Variants in TG observed in about 807,000 individuals in gnomAD.
The protein encoded by TG is thyroglobulin.
In TG, 270 loss-of-function variants were observed where a neutral mutation model predicts 324.7. The ratio of observed to expected loss-of-function variants is 0.83; its 90% CI spans 0.75 to 0.92. The LOEUF (loss-of-function observed/expected upper bound fraction) is 0.92. Among genes scored for constraint, TG ranks in the 40% least tolerant of loss-of-function variants. The probability of loss-of-function intolerance (pLI) is 0.00; values close to 1 mark genes in which losing one functional copy is unlikely to be tolerated. For missense variants in TG, 3,591 were observed against 3,456.4 expected, an observed-to-expected ratio of 1.04 and a Z score of -0.98; for synonymous variants, 1,401 against 1,327.0, an observed-to-expected ratio of 1.06 and a Z score of -1.21.
Position 132,870,195 on chromosome 8 carries a change from T to C in TG, c.274+369T>C, listed in dbSNP as rs533969310. Among the ~76,000 whole-genome samples the C allele has an allele frequency of 1.1e-3, 171 of 152,096 alleles. 1 individual carries two copies. The highest frequency in any genetic ancestry group is 4.0e-3 in the African/African-American group (167 of 41,452). ...TAAGACTTGGGTCAAAGCTATCCAG[T>C]TAAGATAATTATTATAGTGAGTAAT... On this transcript the variant is annotated intron_variant, in intron 3 of 47. Coordinates refer to ENST00000220616, the MANE Select transcript of TG (RefSeq NM_003235.5).
intron 38 of TG, among the ~76,000 whole-genome samples, chr8:133,018,611 C>A (rs1010982643): frequency 6.6e-6 from 1 of 151,894 alleles, no homozygotes; most frequent in Non-Finnish European, 1.5e-5. Flanking sequence ...CATGTGTATA[C>A]CACTTTAAAT....
chr8:132,917,002 C>G (rs978946362), intron 20 of TG, among the ~76,000 whole-genome samples: 1 of 125,054 alleles, frequency 8.0e-6, no homozygotes, highest in African/African-American at 2.7e-5. Flanking sequence ...TCCCTCCAAC[C>G]CTCCCTCCCT....
In TG at chr8:133,129,712, G is replaced by A. The variant is rs146338177; in HGVS notation, c.7863-2100G>A. Among the ~76,000 whole-genome samples, 607 of 152,158 alleles carry A rather than the reference G, an allele frequency of 4.0e-3. 4 individuals carry two copies. Among genetic ancestry groups the A allele is most frequent in the African/African-American group, 0.014 (577 of 41,524 alleles). ...GGATTTTGTCATGTTGCCCAGGCTG[G>A]TTTTGAACTCCTGAGCTCAAGCAAT... On this transcript the variant is annotated intron_variant, in intron 45 of 47. Transcript: ENST00000220616.
In TG at chr8:132,999,067, G is replaced by A. The variant is rs528323230; in HGVS notation, c.6263-12834G>A. On this transcript the variant is annotated intron_variant, in intron 35 of 47. Transcript: ENST00000220616. Reference sequence around the variant, plus strand: ...AACCAGGACTGCAGCCCAGAGTGAAGGAGGGGACATTACAGTCATGGTAAG... The same window carrying A: ...AACCAGGACTGCAGCCCAGAGTGAAAGAGGGGACATTACAGTCATGGTAAG... Among the ~76,000 whole-genome samples, 6 of 152,322 alleles carry A rather than the reference G, an allele frequency of 3.9e-5. No individual in the cohort carries two copies. The South Asian group carries it at 8.3e-4, about 21-fold the overall frequency.
intron 22 of TG, among the ~76,000 whole-genome samples, chr8:132,925,698 C>A (rs1031716678): frequency 6.6e-6 from 1 of 152,294 alleles, no homozygotes; most frequent in South Asian, 2.1e-4. Context: ...GAGACTGTGT[C>A]TTTACAGAAT....
intron 35 of TG, among the ~76,000 whole-genome samples, chr8:132,995,975 A>G (rs1832840933): frequency 6.6e-6 from 1 of 152,196 alleles, no homozygotes; most frequent in South Asian, 2.1e-4. Flanking sequence ...TCTGCCTGCA[A>G]TGAGAAGCCA....
intron 27 of TG, among the ~76,000 whole-genome samples, chr8:132,950,090 T>A (rs1475906887): frequency 1.3e-5 from 2 of 152,220 alleles, no homozygotes; most frequent in African/African-American, 4.8e-5. Context: ...ATAATGCTTA[T>A]GTAGCACTGA....
At chr8:133,024,562 C>T (rs1157470155) in intron 40 of TG, among the ~76,000 whole-genome samples, 1 of 151,598 alleles carries the variant, frequency 6.6e-6, no homozygotes, top group Non-Finnish European at 1.5e-5. Flanking sequence ...CTCCCCTTGC[C>T]CCCCGCCCCC....
intron 35 of TG, among the ~76,000 whole-genome samples, chr8:132,985,946 G>A (rs34401566): frequency 1.3e-5 from 2 of 152,094 alleles, no homozygotes; most frequent in African/African-American, 4.8e-5. Context: ...TCATTTTGCA[G>A]GGGGTTGTGG....
At chr8:132,879,451 T>C (rs1814328667) in intron 5 of TG, among the ~76,000 whole-genome samples, 2 of 152,254 alleles carry the variant, frequency 1.3e-5, no homozygotes, top group Non-Finnish European at 1.5e-5. Context: ...TTTAAAGAGT[T>C]GTGAGAATTA....
chr8:132,924,911 T>G (rs532962221), intron 22 of TG, among the ~76,000 whole-genome samples: 1 of 152,338 alleles, frequency 6.6e-6, no homozygotes, highest in South Asian at 2.1e-4. Context: ...GGAGGGAGGC[T>G]GAAACAGTCT....
At chr8:133,115,712 T>C (rs1258202835) in intron 44 of TG, among the ~76,000 whole-genome samples, 1 of 152,194 alleles carries the variant, frequency 6.6e-6, no homozygotes. Context: ...TACTCTGCAA[T>C]GCAGATGGGA....
chr8:132,959,568 A>G (rs973869043), intron 27 of TG, among the ~76,000 whole-genome samples: 6 of 152,230 alleles, frequency 3.9e-5, no homozygotes, highest in Non-Finnish European at 8.8e-5. Context: ...AGTACGCCCT[A>G]TGATCACACA....
At chr8:133,003,465 G>A (rs1053610671) in intron 35 of TG, among the ~76,000 whole-genome samples, 16 of 148,292 alleles carry the variant, frequency 1.1e-4, no homozygotes, top group African/African-American at 2.3e-4. Flanking sequence ...TAGTAGTTTC[G>A]AAATGTGCCA....
chr8:133,118,421 T>C (rs1278100463), intron 45 of TG, among the ~76,000 whole-genome samples: 1 of 150,926 alleles, frequency 6.6e-6, no homozygotes, highest in Non-Finnish European at 1.5e-5. Context: ...ACCTCCCGGA[T>C]TCAAGCAATT....
At chr8:132,933,818 A>G in intron 24 of TG, 142 bp downstream of exon 24, 1 of 787,610 alleles carries the variant, frequency 1.3e-6, no homozygotes, top group South Asian at 1.4e-5. Flanking sequence ...TCTTCAAAGC[A>G]ATGGGACTTT....
intron 43 of TG, among the ~76,000 whole-genome samples, chr8:133,108,755 C>T (rs570915568): frequency 6.6e-6 from 1 of 152,342 alleles, no homozygotes; most frequent in African/African-American, 2.4e-5. Flanking sequence ...TATGACATGC[C>T]TGTCACCATA....
intron 30 of TG, 40 bp from the exon 31 acceptor site, chr8:132,967,754 C>T (rs890302410): frequency 2.5e-6 from 4 of 1,610,370 alleles, no homozygotes; most frequent in Middle Eastern, 3.3e-4. Flanking sequence ...CCCCTGTAGA[C>T]CCCACAAAAA....
At chr8:132,906,993 C>A in intron 17 of TG, 93 bp downstream of exon 17, 1 of 1,332,592 alleles carries the variant, frequency 7.5e-7, no homozygotes, top group Non-Finnish European at 1.0e-6. Flanking sequence ...TCCATTTCCC[C>A]ACCCAAATGT....
Sources: gnomAD v4.1 joint callset for allele counts (sites outside exome capture counted in the v4.1 genomes callset) on GRCh38, gnomAD v4.1.1 for gene constraint, MANE v1.5 for transcripts, NCBI Gene and HGNC (gene_info 2026-07-23, HGNC 2026-07-21) for gene names.